C10orf90: variants seen among roughly 807,000 people sequenced by gnomAD.
C10orf90 encodes chromosome 10 open reading frame 90.
C10orf90 carries 56 observed loss-of-function variants against 62.5 expected under a neutral mutation model. The ratio of observed to expected loss-of-function variants is 0.90; its 90% CI spans 0.72 to 1.12. C10orf90 has a LOEUF of 1.12. Among genes scored for constraint, C10orf90 ranks in the 50% most tolerant of loss-of-function variants. C10orf90 has a pLI of 0.00. For synonymous variants in C10orf90, 386 were observed against 340.4 expected, an observed-to-expected ratio of 1.13 and a Z score of -1.47; for missense variants, 970 against 880.4, an observed-to-expected ratio of 1.10 and a Z score of -1.29.
intron 7 of C10orf90, among the ~76,000 whole-genome samples, chr10:126,442,901 C>T (rs1858492541): frequency 6.6e-6 from 1 of 151,744 alleles, no homozygotes; most frequent in Non-Finnish European, 1.5e-5. Flanking sequence ...TTACCTGCTC[C>T]TGGATGAGCA....
intron 4 of C10orf90, among the ~76,000 whole-genome samples, chr10:126,495,206 A>G (rs1467575027): frequency 6.6e-6 from 1 of 152,164 alleles, no homozygotes; most frequent in Non-Finnish European, 1.5e-5. Flanking sequence ...GCACTGACTG[A>G]GACATGTTCA....
intron 4 of C10orf90, among the ~76,000 whole-genome samples, chr10:126,479,823 C>G (rs1041506347): frequency 6.6e-6 from 1 of 152,128 alleles, no homozygotes; most frequent in Non-Finnish European, 1.5e-5. Flanking sequence ...CAAAAAGGAA[C>G]CAGAGAGATT....
chr10:126,601,933 G>A (rs1214550325), intron 2 of C10orf90, among the ~76,000 whole-genome samples: 2 of 152,224 alleles, frequency 1.3e-5, no homozygotes, highest in Non-Finnish European at 2.9e-5. Context: ...TTTATAGCTA[G>A]TCTCAGATCT....
In C10orf90 at chr10:126,459,192, T is replaced by C. The variant is rs766257264; in HGVS notation, c.2036A>G (p.Gln679Arg). Reference protein sequence around the residue: ...LQEALEVRKPQFISRSQERLK... With the variant: ...LQEALEVRKPRFISRSQERLK... Reference sequence around the variant, plus strand: ...CCGTTCTTGTGAGCGAGAAATGAACTGAGGCTTACGAACTTCCAGTGCTTC... The same window carrying C: ...CCGTTCTTGTGAGCGAGAAATGAACCGAGGCTTACGAACTTCCAGTGCTTC... Residue 679 changes from glutamine to arginine, a missense_variant, in exon 7 of 10, where the codon CAG becomes CGG. By Grantham distance (43) the Gln-to-Arg change is conservative. Coordinates refer to ENST00000488181, the MANE Select transcript of C10orf90 (RefSeq NM_001350921.2). 1.9e-6 allele frequency: 3 copies of C among 1,614,082 alleles called. No individual in the cohort carries two copies. Among genetic ancestry groups the C allele is most frequent in the Non-Finnish European group, 8.5e-7 (1 of 1,180,042 alleles).
intron 2 of C10orf90, among the ~76,000 whole-genome samples, chr10:126,542,048 C>T (rs573137094): frequency 1.3e-5 from 2 of 152,128 alleles, no homozygotes; most frequent in Non-Finnish European, 2.9e-5. Context: ...ACATGCCACA[C>T]GAAAGAAGCC....
intron 2 of C10orf90, among the ~76,000 whole-genome samples, chr10:126,595,531 C>T (rs1591129491): frequency 2.0e-5 from 3 of 152,182 alleles, no homozygotes; most frequent in African/African-American, 7.2e-5. Flanking sequence ...GAATCTCCCG[C>T]AGCTCTCCAC....
chr10:126,652,806 T>G (rs1846316689), intron 1 of C10orf90, among the ~76,000 whole-genome samples: 1 of 152,238 alleles, frequency 6.6e-6, no homozygotes, highest in Non-Finnish European at 1.5e-5. Context: ...TTCCCCAGAT[T>G]ACTTAAGTAT....
chr10:126,487,048 G>A (rs2133821609), intron 4 of C10orf90, among the ~76,000 whole-genome samples: 1 of 150,092 alleles, frequency 6.7e-6, no homozygotes, highest in African/African-American at 2.5e-5. Context: ...GGGAGGCTGA[G>A]GCAGGAGGAT....
At chr10:126,579,319 C>T (rs566373760) in intron 2 of C10orf90, among the ~76,000 whole-genome samples, 1 of 149,998 alleles carries the variant, frequency 6.7e-6, no homozygotes, top group Non-Finnish European at 1.5e-5. Context: ...TGGCTCACCA[C>T]AACTTCTGCC....
chr10:126,571,593 G>A (rs936123188), intron 2 of C10orf90, among the ~76,000 whole-genome samples: 4 of 152,162 alleles, frequency 2.6e-5, no homozygotes, highest in East Asian at 1.9e-4. Context: ...TTCAAAGGAC[G>A]CAAATGAGGC....
intron 2 of C10orf90, among the ~76,000 whole-genome samples, chr10:126,583,153 C>T (rs556709034): frequency 6.6e-6 from 1 of 152,320 alleles, no homozygotes; most frequent in African/African-American, 2.4e-5. Context: ...GACAAAACCA[C>T]CCCGTCAATA....
chr10:126,560,325 A>G (rs1307642430), intron 2 of C10orf90, among the ~76,000 whole-genome samples: 1 of 152,210 alleles, frequency 6.6e-6, no homozygotes, highest in African/African-American at 2.4e-5. Flanking sequence ...TTAATTTTCC[A>G]CTTTACTTCA....
chr10:126,641,481 C>T (rs535120968), intron 2 of C10orf90, among the ~76,000 whole-genome samples: 129 of 152,120 alleles, frequency 8.5e-4, no homozygotes, highest in Middle Eastern at 3.4e-3. Flanking sequence ...GCCATCCGCC[C>T]GCTCCTTTTT....
At chr10:126,632,426 T>C (rs1845868795) in intron 2 of C10orf90, among the ~76,000 whole-genome samples, 1 of 151,940 alleles carries the variant, frequency 6.6e-6, no homozygotes, top group South Asian at 2.1e-4. Context: ...AGAAACCCCA[T>C]AAATATTCCC....
At chr10:126,600,671 G>A (rs567175359) in intron 2 of C10orf90, among the ~76,000 whole-genome samples, 4 of 152,210 alleles carry the variant, frequency 2.6e-5, no homozygotes, top group East Asian at 3.9e-4. Context: ...AAATTGATAC[G>A]ATGTATTACA....
intron 2 of C10orf90, among the ~76,000 whole-genome samples, chr10:126,624,555 G>T (rs1172411932): frequency 6.6e-6 from 1 of 152,188 alleles, no homozygotes; most frequent in Non-Finnish European, 1.5e-5. Flanking sequence ...AACTTAGCAG[G>T]AACTAAGTAG....
intron 3 of C10orf90, among the ~76,000 whole-genome samples, chr10:126,507,699 A>G (rs1221137478): frequency 6.6e-6 from 1 of 152,024 alleles, no homozygotes; most frequent in Non-Finnish European, 1.5e-5. Context: ...GTCACCTGGG[A>G]ACTCATCCAA....
chr10:126,632,839 G>A lies in C10orf90; in HGVS notation c.313+13726C>T, dbSNP rs796984740. ...TCACCTTGTGAACATTTTTAGATGA[G>A]CCTGAGTGAGCAGAGCCATCACCCC... On this transcript the variant is annotated intron_variant, in intron 2 of 9. Transcript: ENST00000488181. Among the ~76,000 whole-genome samples, 16 of 152,262 alleles carry A rather than the reference G, an allele frequency of 1.1e-4. 1 individual carries two copies. Among genetic ancestry groups the A allele is most frequent in the African/African-American group, 3.6e-4 (15 of 41,560 alleles).
chr10:126,598,693 C>T (rs546149739), intron 2 of C10orf90, among the ~76,000 whole-genome samples: 1 of 152,128 alleles, frequency 6.6e-6, no homozygotes, highest in Non-Finnish European at 1.5e-5. Flanking sequence ...CAATCATCAA[C>T]TCACGGGTAA....
Sources: gnomAD v4.1 joint callset for allele counts (sites outside exome capture counted in the v4.1 genomes callset) on GRCh38, gnomAD v4.1.1 for gene constraint, MANE v1.5 for transcripts, NCBI Gene and HGNC (gene_info 2026-07-23, HGNC 2026-07-21) for gene names.